The following RHBG variants were observed in gnomAD, a reference collection of about 807,000 sequenced individuals.
The protein encoded by RHBG is Rh family B glycoprotein.
RHBG carries 39 observed loss-of-function variants against 40.1 expected under a neutral mutation model. The ratio of observed to expected loss-of-function variants is 0.97; its 90% CI spans 0.75 to 1.27. The LOEUF is 1.27. Among genes scored for constraint, RHBG ranks in the 50% most tolerant of loss-of-function variants. The pLI is 0.00. For missense variants in RHBG, 549 were observed against 588.1 expected (o/e 0.93, Z 0.69); for synonymous variants, 237 against 252.5 (o/e 0.94, Z 0.58).
In RHBG at chr1:156,381,361, T is replaced by G; in HGVS notation, c.688T>G (p.Trp230Gly). 3.1e-6 allele frequency: 5 copies of G among 1,614,172 alleles called. No individual in the cohort carries two copies. Among genetic ancestry groups the G allele is most frequent in the Non-Finnish European group, 4.2e-6 (5 of 1,180,030 alleles). ...LFAMIGTIFL[W>G]IFWPSFNAAL... ...CCACCATCTAGGGACCATCTTCCTG[T>G]GGATCTTCTGGCCTAGCTTCAATGC... Residue 230 changes from tryptophan to glycine, a missense_variant, in exon 5 of 10, where the codon TGG becomes GGG. Physicochemically the swap from Trp to Gly is radical, Grantham distance 184 (BLOSUM62 -2). Around this residue, in one of 3 missense-constraint regions of RHBG, gnomAD observed 399 missense variants for 417.0 expected, o/e 0.96. Coordinates refer to ENST00000537040, the MANE Select transcript of RHBG (RefSeq NM_020407.5).
rs181518656 is a variant in RHBG, at chr1:156,375,801, G to A, written c.188-1500G>A. 3.8e-3 allele frequency among the ~76,000 whole-genome samples: 568 copies of A among 150,952 alleles called. 6 individuals carry two copies. The highest frequency in any genetic ancestry group is 0.013 in the African/African-American group (532 of 41,024). On this transcript the variant is annotated intron_variant, in intron 1 of 9. Transcript: ENST00000537040. ...TGTTGCCAGGCTGGAGTGCAATGGCGCTATCTCGGCTCACTGCAACCTCCA... is the reference window on the plus strand; with the variant it reads ...TGTTGCCAGGCTGGAGTGCAATGGCACTATCTCGGCTCACTGCAACCTCCA...
rs542608887 is a variant in RHBG, at chr1:156,384,375, T to C, written c.1235-152T>C. ...ACTTTGCACAGGGCCTGGCACATAGTAGATGCTCAACAAATACTGCTGTGT... is the reference window on the plus strand; with the variant it reads ...ACTTTGCACAGGGCCTGGCACATAGCAGATGCTCAACAAATACTGCTGTGT... On this transcript the variant is annotated intron_variant, in intron 8 of 9. Transcript: ENST00000537040. The C allele has an allele frequency of 1.1e-5, 8 of 756,388 alleles. No individual in the cohort carries two copies. In the Admixed American group the frequency reaches 1.4e-4, roughly 13 times the overall value. 46.9% of individuals were successfully genotyped at this position (756,388 alleles called of 1,614,324 possible).
At position 156,378,147 on chromosome 1, in the gene RHBG, G is replaced by A; in HGVS notation, c.525+7G>A. ...GCTCCTTCATCTCCTGGGGGTGAGAGTCTGGGGAGGGATGGAGTCGGGGGT... is the reference window on the plus strand; with the variant it reads ...GCTCCTTCATCTCCTGGGGGTGAGAATCTGGGGAGGGATGGAGTCGGGGGT... On this transcript the variant is annotated splice_region_variant and intron_variant, in intron 3 of 9. Coordinates refer to ENST00000537040, the MANE Select transcript of RHBG (RefSeq NM_020407.5). 6.2e-7 allele frequency: 1 copy of A among 1,600,702 alleles called. No homozygotes were observed. Among genetic ancestry groups the A allele is most frequent in the Non-Finnish European group, 8.5e-7 (1 of 1,172,036 alleles).
intron 1 of RHBG, chr1:156,371,351 G>C: frequency 3.2e-6 from 1 of 308,294 alleles, no homozygotes; most frequent in South Asian, 2.5e-5. Context: ...GTAGAGATGA[G>C]GTTTCGCCAT....
At position 156,385,083 on chromosome 1, in the gene RHBG, C is replaced by T. The variant is rs942976801; in HGVS notation, c.*238C>T. 3 of 472,252 alleles carry T rather than the reference C, an allele frequency of 6.4e-6. No individual in the cohort carries two copies. The highest frequency in any genetic ancestry group is 3.9e-5 in the African/African-American group (2 of 51,692). The allele number at this position is 472,252 out of a possible 1,614,324, so 29.3% of individuals were successfully genotyped here. A position where few individuals can be genotyped will look rare whatever the true frequency, so the allele number is the denominator to read the frequency against. On this transcript the variant is annotated 3_prime_UTR_variant, in exon 10 of 10. Coordinates refer to ENST00000537040, the MANE Select transcript of RHBG (RefSeq NM_020407.5). ...GGGGAACCTCACCAGATGCCCAACC[C>T]GACTGCCCTACCAGCCTGCACATGG...
chr1:156,381,763 G>A (rs756857114), intron 5 of RHBG, 43 bp from the exon 6 acceptor site: 3 of 1,556,506 alleles, frequency 1.9e-6, no homozygotes, highest in African/African-American at 2.8e-5. Context: ...TGCTGTGGGT[G>A]TGACAATCTG....
intron 1 of RHBG, among the ~76,000 whole-genome samples, chr1:156,370,972 T>C (rs1041268094): frequency 2.7e-5 from 4 of 148,048 alleles, no homozygotes; most frequent in Non-Finnish European, 4.5e-5. Flanking sequence ...CCTAGGCAGC[T>C]GGGACCAAGA....
At chr1:156,370,415 C>T (rs186918788) in intron 1 of RHBG, among the ~76,000 whole-genome samples, 170 of 149,834 alleles carry the variant, frequency 1.1e-3, no homozygotes, top group African/African-American at 4.1e-3. Context: ...CGCCACTGCA[C>T]TTCAGCATGG....
intron 4 of RHBG, among the ~76,000 whole-genome samples, chr1:156,380,248 T>G (rs1187310036): frequency 6.6e-6 from 1 of 151,782 alleles, no homozygotes; most frequent in Non-Finnish European, 1.5e-5. Context: ...GGAGCTGGGA[T>G]TACAGGAGTG....
chr1:156,376,689 C>T (rs2842852), intron 1 of RHBG, among the ~76,000 whole-genome samples: 54,612 of 152,008 alleles, frequency 0.36, 10,686 homozygotes, highest in Non-Finnish European at 0.45. Flanking sequence ...AAAAAATAAC[C>T]GGGCACAGTG....
At position 156,369,225 on chromosome 1, in the gene RHBG, G is replaced by T. The variant is rs369019863; in HGVS notation, c.-25G>T. 2.7e-5 allele frequency: 43 copies of T among 1,604,378 alleles called. No homozygotes were observed. The African/African-American group carries it at 5.0e-4, about 19-fold the overall frequency. ...GAATTGTCTGCCAAAGCCTGCGAGCGCCAGCCGAGATCGCAGCCCAACCCA... is the reference window on the plus strand; with the variant it reads ...GAATTGTCTGCCAAAGCCTGCGAGCTCCAGCCGAGATCGCAGCCCAACCCA... On this transcript the variant is annotated 5_prime_UTR_variant, in exon 1 of 10. Coordinates refer to ENST00000537040, the MANE Select transcript of RHBG (RefSeq NM_020407.5).
rs1338436272 is a variant in RHBG, at chr1:156,377,787, T to C, written c.375-203T>C. ...TTGTCAGATGAGTCACAGAACCTCC[T>C]TGAGACTCGACTTCCTCATCTACAA... On this transcript the variant is annotated intron_variant, in intron 2 of 9. Transcript: ENST00000537040. This position sits in a 1 kb window ranked among gnomAD's most constrained non-coding sequence, Gnocchi z 4.6. Among the ~76,000 whole-genome samples the C allele has an allele frequency of 6.6e-6, 1 of 152,190 alleles. No individual in the cohort carries two copies. Among genetic ancestry groups the C allele is most frequent in the African/African-American group, 2.4e-5 (1 of 41,450 alleles).
At chr1:156,383,566 G>A (rs1377511058) in intron 8 of RHBG, among the ~76,000 whole-genome samples, 7 of 150,870 alleles carry the variant, frequency 4.6e-5, no homozygotes, top group African/African-American at 1.5e-4. Flanking sequence ...GTGAGCCACC[G>A]TGCCTGGCCT....
At chr1:156,371,103 A>G in intron 1 of RHBG, 1 of 408,034 alleles carries the variant, frequency 2.5e-6, no homozygotes. Flanking sequence ...CATTCAAACA[A>G]GGCCTAGAGT....
At chr1:156,380,725 CAAAAAAAA>C (rs564713959) in intron 4 of RHBG, among the ~76,000 whole-genome samples, 2 of 81,996 alleles carry the variant, frequency 2.4e-5, no homozygotes, top group Admixed American at 1.4e-4. Flanking sequence ...GACCTTGTCT[CAAAAAAAA>C]AAAAAAAAAA....
intron 4 of RHBG, 37 bp downstream of exon 4, chr1:156,378,436 TG>T (rs1371555238): frequency 1.9e-6 from 3 of 1,545,974 alleles, no homozygotes; most frequent in Non-Finnish European, 2.6e-6. Context: ...GGCAGGGGGC[TG>T]GTCTGGAGGC....
intron 1 of RHBG, among the ~76,000 whole-genome samples, chr1:156,376,556 G>T (rs1225756349): frequency 6.6e-6 from 1 of 152,116 alleles, no homozygotes; most frequent in Non-Finnish European, 1.5e-5. Context: ...TAGAGACCGG[G>T]TTTCGCCATG....
chr1:156,375,262 G>C (rs922326086), intron 1 of RHBG, among the ~76,000 whole-genome samples: 1 of 151,468 alleles, frequency 6.6e-6, no homozygotes, highest in African/African-American at 2.4e-5. Flanking sequence ...TAGTAGAGAC[G>C]GGGTTTCGCC....
intron 8 of RHBG, 141 bp downstream of exon 8, chr1:156,383,010 C>T: frequency 2.5e-6 from 3 of 1,205,374 alleles, no homozygotes; most frequent in Non-Finnish European, 3.5e-6. Flanking sequence ...GGGTAACCAA[C>T]CTCCTGCAGG....
Sources: gnomAD v4.1 joint callset for allele counts (sites outside exome capture counted in the v4.1 genomes callset) on GRCh38, gnomAD v4.1.1 for gene constraint, gnomAD v4.1.1 regional missense constraint, Gnocchi (gnomAD v3.1) non-coding constraint, MANE v1.5 for transcripts, NCBI Gene and HGNC (gene_info 2026-07-23, HGNC 2026-07-21) for gene names.